Variants in COBLL1 observed in about 807,000 individuals in gnomAD.
The protein encoded by COBLL1 is cordon-bleu protein-like 1.
COBLL1 carries 50 observed loss-of-function variants against 94.8 expected under a neutral mutation model. The observed-to-expected ratio is 0.53, with a 90% CI of 0.42 to 0.67. The LOEUF (loss-of-function observed/expected upper bound fraction) is 0.67, where lower values mean the gene tolerates loss of function less well. COBLL1 is among the 30% of genes least tolerant of loss of function. The pLI is 0.00. For synonymous variants in COBLL1, 448 were observed against 473.8 expected (o/e 0.95, Z 0.71); for missense variants, 1,362 against 1,348.7 (o/e 1.01, Z -0.15).
chr2:164,680,467 G>A lies in COBLL1; in HGVS notation c.*5479C>T, dbSNP rs2105393899. 6.6e-6 allele frequency: 1 copy of A among 152,140 alleles called. No homozygotes were observed. The highest frequency in any genetic ancestry group is 2.1e-4 in the South Asian group (1 of 4,810). 9.4% of individuals were successfully genotyped at this position (152,140 alleles called of 1,614,324 possible). A position where few individuals can be genotyped will look rare whatever the true frequency, so the allele number is the denominator to read the frequency against. On this transcript the variant is annotated 3_prime_UTR_variant, in exon 14 of 14. Coordinates refer to ENST00000652658, the MANE Select transcript of COBLL1 (RefSeq NM_001365672.2). ...GAACTTTTCCCCATTCATAACATGG[G>A]GGCATCGCTGAGGGAGAACTACCAA...
intron 2 of COBLL1, among the ~76,000 whole-genome samples, chr2:164,760,421 G>A (rs144557061): frequency 3.5e-4 from 54 of 152,232 alleles, no homozygotes; most frequent in Non-Finnish European, 5.1e-4. Context: ...TAACATGAGG[G>A]AGTTTCTTTG....
intron 2 of COBLL1, among the ~76,000 whole-genome samples, chr2:164,814,243 G>C (rs894022433): frequency 6.6e-6 from 1 of 152,062 alleles, no homozygotes; most frequent in East Asian, 1.9e-4. Context: ...AAAGATAGTA[G>C]TATCTCTCAC....
intron 3 of COBLL1, 73 bp from the exon 4 acceptor site, chr2:164,730,188 A>G: frequency 7.8e-7 from 1 of 1,275,306 alleles, no homozygotes; most frequent in South Asian, 1.3e-5. Flanking sequence ...TTCAATAGAT[A>G]AACAAGTCTA....
At chr2:164,838,522 T>C (rs1254976523) in intron 2 of COBLL1, among the ~76,000 whole-genome samples, 2 of 152,198 alleles carry the variant, frequency 1.3e-5, no homozygotes, top group Non-Finnish European at 2.9e-5. Context: ...TGGTATGTTA[T>C]ATCATACCAT....
At chr2:164,799,956 C>T (rs1233754309) in intron 2 of COBLL1, among the ~76,000 whole-genome samples, 1 of 152,056 alleles carries the variant, frequency 6.6e-6, no homozygotes, top group Admixed American at 6.5e-5. Flanking sequence ...ATGATTAATA[C>T]ATCTAAATAC....
At chr2:164,737,319 C>T (rs984361607) in intron 3 of COBLL1, among the ~76,000 whole-genome samples, 1 of 152,120 alleles carries the variant, frequency 6.6e-6, no homozygotes, top group Non-Finnish European at 1.5e-5. Flanking sequence ...CTTTCCCAAC[C>T]AGGGGAGCAG....
intron 2 of COBLL1, among the ~76,000 whole-genome samples, chr2:164,816,810 T>C (rs1684775030): frequency 6.6e-6 from 1 of 152,204 alleles, no homozygotes; most frequent in African/African-American, 2.4e-5. Context: ...TAAACAGATA[T>C]CATCTGGTGG....
intron 7 of COBLL1, among the ~76,000 whole-genome samples, chr2:164,716,390 CA>C (rs1420525004): frequency 6.6e-6 from 1 of 151,976 alleles, no homozygotes; most frequent in African/African-American, 2.4e-5. Context: ...AAAAAATGCT[CA>C]AAAACTACCA....
chr2:164,797,137 C>G (rs1022510885), intron 2 of COBLL1, among the ~76,000 whole-genome samples: 1 of 152,058 alleles, frequency 6.6e-6, no homozygotes, highest in Non-Finnish European at 1.5e-5. Flanking sequence ...ATTTCTGGGA[C>G]CTTTGTTGAT....
At chr2:164,787,718 C>CT (rs1682936784) in intron 2 of COBLL1, among the ~76,000 whole-genome samples, 1 of 152,166 alleles carries the variant, frequency 6.6e-6, no homozygotes, top group Non-Finnish European at 1.5e-5. Flanking sequence ...CAGGGCTACA[C>CT]TTTCACCTGC....
At chr2:164,785,145 G>C (rs1688895132) in intron 2 of COBLL1, among the ~76,000 whole-genome samples, 1 of 152,188 alleles carries the variant, frequency 6.6e-6, no homozygotes, top group African/African-American at 2.4e-5. Context: ...TACATTTCTA[G>C]TCTTTAGAAG....
At chr2:164,673,274 G>C (rs1178459440) in intron 1 of COBLL1, among the ~76,000 whole-genome samples, 1 of 152,060 alleles carries the variant, frequency 6.6e-6, no homozygotes, top group East Asian at 1.9e-4. Context: ...TCACCTCTAC[G>C]GAAAGAATAA....
intron 2 of COBLL1, among the ~76,000 whole-genome samples, chr2:164,746,587 A>C (rs546646351): frequency 4.6e-5 from 7 of 152,232 alleles, no homozygotes; most frequent in African/African-American, 1.4e-4. Flanking sequence ...AACCCATCAC[A>C]GAATCAGAAA....
At chr2:164,699,873 G>A (rs1684158919) in intron 10 of COBLL1, among the ~76,000 whole-genome samples, 1 of 152,038 alleles carries the variant, frequency 6.6e-6, no homozygotes, top group South Asian at 2.1e-4. Context: ...ATATAAATAA[G>A]AATGTAGATT....
At chr2:164,828,602 G>A (rs921549569) in intron 2 of COBLL1, among the ~76,000 whole-genome samples, 2 of 152,050 alleles carry the variant, frequency 1.3e-5, no homozygotes, top group African/African-American at 2.4e-5. Flanking sequence ...AATTATATAC[G>A]TACACCCACT....
At chr2:164,813,828 A>G (rs1230704908) in intron 2 of COBLL1, among the ~76,000 whole-genome samples, 3 of 152,200 alleles carry the variant, frequency 2.0e-5, no homozygotes, top group Non-Finnish European at 2.9e-5. Context: ...ATGGAAATGC[A>G]TAAGAGGAAA....
In COBLL1 at chr2:164,682,935, C is replaced by T. The variant is rs1683104141; in HGVS notation, c.*3011G>A. Reference sequence around the variant, plus strand: ...TAAAAAGAAAAGCTCTTCCAGAACACTGCTGGTATAAAAGGCAAGTTGTTA... The same window carrying T: ...TAAAAAGAAAAGCTCTTCCAGAACATTGCTGGTATAAAAGGCAAGTTGTTA... On this transcript the variant is annotated 3_prime_UTR_variant, in exon 14 of 14. Transcript: ENST00000652658. 1 of 151,758 alleles carries T rather than the reference C, an allele frequency of 6.6e-6. No homozygotes were observed. Among genetic ancestry groups the T allele is most frequent in the East Asian group, 1.9e-4 (1 of 5,154 alleles). 9.4% of individuals were successfully genotyped at this position (151,758 alleles called of 1,614,324 possible). A position where few individuals can be genotyped will look rare whatever the true frequency, so the allele number is the denominator to read the frequency against.
At chr2:164,679,682 C>T (rs1484982678), downstream of COBLL1, among the ~76,000 whole-genome samples, 2 of 150,454 alleles carry the variant, frequency 1.3e-5, no homozygotes, top group African/African-American at 2.4e-5. Flanking sequence ...AAAATAATGC[C>T]GTGTTCCAAG....
intron 2 of COBLL1, among the ~76,000 whole-genome samples, chr2:164,838,675 A>G (rs1683439326): frequency 1.3e-5 from 2 of 152,214 alleles, no homozygotes; most frequent in Admixed American, 6.5e-5. Context: ...GTGGAGAACA[A>G]AACTTGGTGC....
Sources: gnomAD v4.1 joint callset for allele counts (sites outside exome capture counted in the v4.1 genomes callset) on GRCh38, gnomAD v4.1.1 for gene constraint, MANE v1.5 for transcripts, NCBI Gene and HGNC (gene_info 2026-07-23, HGNC 2026-07-21) for gene names.